Variants in LRRC4C observed in about 807,000 individuals in gnomAD.
LRRC4C encodes the protein leucine-rich repeat-containing protein 4C.
In LRRC4C, 5 loss-of-function variants were observed where a neutral mutation model predicts 33.6. The ratio of observed to expected loss-of-function variants is 0.15; its 90% CI spans 0.08 to 0.31. The LOEUF is 0.31. Among genes scored for constraint, LRRC4C ranks in the 10% least tolerant of loss-of-function variants. The pLI, the probability that LRRC4C is intolerant of heterozygous loss-of-function variation, is 1.00. For missense variants in LRRC4C, 560 were observed against 796.7 expected, an observed-to-expected ratio of 0.70 and a Z score of 3.58; for synonymous variants, 329 against 302.0, an observed-to-expected ratio of 1.09 and a Z score of -0.93.
intron 1 of LRRC4C, among the ~76,000 whole-genome samples, chr11:41,158,023 G>A (rs577242504): frequency 6.6e-6 from 1 of 151,212 alleles, no homozygotes; most frequent in African/African-American, 2.4e-5. Flanking sequence ...ATTTATTTTT[G>A]CCTGTTGACC....
At chr11:40,298,910 C>T (rs1011380052) in intron 4 of LRRC4C, among the ~76,000 whole-genome samples, 2 of 151,842 alleles carry the variant, frequency 1.3e-5, no homozygotes, top group African/African-American at 2.4e-5. Context: ...GGAAATGCTC[C>T]CATGATGCAA....
intron 2 of LRRC4C, among the ~76,000 whole-genome samples, chr11:40,905,245 T>A (rs1487694495): frequency 6.6e-6 from 1 of 152,246 alleles, no homozygotes; most frequent in Non-Finnish European, 1.5e-5. Context: ...AGGAAAAACA[T>A]GCATTCTTAA....
chr11:41,313,610 C>CAA (rs1950702781), intron 1 of LRRC4C, among the ~76,000 whole-genome samples: 2 of 152,112 alleles, frequency 1.3e-5, no homozygotes, highest in African/African-American at 4.8e-5. Flanking sequence ...AGAGATAGTG[C>CAA]TTAGAATACA....
intron 5 of LRRC4C, among the ~76,000 whole-genome samples, chr11:40,195,926 G>A (rs895430619): frequency 2.6e-5 from 4 of 152,158 alleles, no homozygotes; most frequent in African/African-American, 7.2e-5. Flanking sequence ...TGGAATTCCC[G>A]ATATAGTACT....
At chr11:40,693,047 G>A (rs1436418220) in intron 2 of LRRC4C, among the ~76,000 whole-genome samples, 2 of 152,060 alleles carry the variant, frequency 1.3e-5, no homozygotes, top group East Asian at 3.9e-4. Flanking sequence ...GACACCAGAT[G>A]AATATAATCT....
At chr11:41,015,506 G>A (rs61887633) in intron 1 of LRRC4C, among the ~76,000 whole-genome samples, 12,522 of 151,890 alleles carry the variant, frequency 0.082, 557 homozygotes, top group Non-Finnish European at 0.099. Context: ...GAGACACAGG[G>A]TTTCACCATG....
chr11:40,420,320 A>G (rs1463175443), intron 3 of LRRC4C, among the ~76,000 whole-genome samples: 1 of 152,150 alleles, frequency 6.6e-6, no homozygotes, highest in Non-Finnish European at 1.5e-5. Context: ...TGCCTCTGGA[A>G]GACAACAGAC....
chr11:41,272,534 A>C (rs1024346147), intron 1 of LRRC4C, among the ~76,000 whole-genome samples: 1 of 152,170 alleles, frequency 6.6e-6, no homozygotes, highest in African/African-American at 2.4e-5. Context: ...AATTGAATGA[A>C]GTATTTCAAT....
At chr11:40,717,566 T>G (rs913225383) in intron 2 of LRRC4C, among the ~76,000 whole-genome samples, 4 of 152,014 alleles carry the variant, frequency 2.6e-5, no homozygotes, top group African/African-American at 7.3e-5. Flanking sequence ...GTTCTTTTTT[T>G]GGGGGGGTAC....
chr11:40,511,138 C>A (rs1955295228), intron 3 of LRRC4C, among the ~76,000 whole-genome samples: 1 of 152,062 alleles, frequency 6.6e-6, no homozygotes, highest in South Asian at 2.1e-4. Flanking sequence ...ACAGCAACCT[C>A]AAATGGGAGA....
intron 1 of LRRC4C, among the ~76,000 whole-genome samples, chr11:41,286,355 G>A (rs1425084750): frequency 1.3e-5 from 2 of 151,906 alleles, no homozygotes; most frequent in Non-Finnish European, 2.9e-5. Context: ...CAAATCTCCG[G>A]GACTCAACAA....
intron 4 of LRRC4C, among the ~76,000 whole-genome samples, chr11:40,308,108 G>A (rs1023843950): frequency 6.6e-6 from 1 of 152,350 alleles, no homozygotes; most frequent in Non-Finnish European, 1.5e-5. Context: ...AGCCAAGGAG[G>A]CACTGCTAGT....
intron 1 of LRRC4C, among the ~76,000 whole-genome samples, chr11:41,404,566 C>A (rs1026565064): frequency 6.4e-5 from 8 of 124,112 alleles, no homozygotes; most frequent in Non-Finnish European, 1.1e-4. Flanking sequence ...ACACACACCC[C>A]CCGAGGTTAT....
At chr11:40,817,194 T>C (rs1419050369) in intron 2 of LRRC4C, among the ~76,000 whole-genome samples, 1 of 152,126 alleles carries the variant, frequency 6.6e-6, no homozygotes, top group African/African-American at 2.4e-5. Context: ...CAAACTGACA[T>C]AATATTTATC....
At chr11:40,724,454 C>T (rs547262264) in intron 2 of LRRC4C, among the ~76,000 whole-genome samples, 2 of 152,276 alleles carry the variant, frequency 1.3e-5, no homozygotes, top group Non-Finnish European at 2.9e-5. Context: ...CCAAGAGGAA[C>T]TCTCAAAACC....
chr11:40,381,585 C>T (rs1330856752), intron 3 of LRRC4C, among the ~76,000 whole-genome samples: 1 of 152,074 alleles, frequency 6.6e-6, no homozygotes, highest in African/African-American at 2.4e-5. Flanking sequence ...TCAGTCTTCA[C>T]AAGCATAAAC....
rs148810580 is a variant in LRRC4C at position 40,377,792 on chromosome 11, C to T, written c.-269-58071G>A. ...TTAAAATATAGTTCTCAACTAGGGA[C>T]AGTTACACCTTTCAAATGACTTTGT... On this transcript the variant is annotated intron_variant, in intron 3 of 6. Coordinates refer to ENST00000528697, the MANE Select transcript of LRRC4C (RefSeq NM_001258419.2). Among the ~76,000 whole-genome samples the T allele has an allele frequency of 8.1e-4, 123 of 152,154 alleles. 1 individual carries two copies. The highest frequency in any genetic ancestry group is 2.8e-3 in the African/African-American group (115 of 41,550).
intron 5 of LRRC4C, among the ~76,000 whole-genome samples, chr11:40,218,642 T>TATC (rs60174276): frequency 0.07 from 7,847 of 111,768 alleles, 440 homozygotes; most frequent in Admixed American, 0.12. Flanking sequence ...ATGTATCTAT[T>TATC]TATCTATCTA....
At chr11:40,785,699 A>G (rs1950385428) in intron 2 of LRRC4C, among the ~76,000 whole-genome samples, 1 of 152,168 alleles carries the variant, frequency 6.6e-6, no homozygotes, top group South Asian at 2.1e-4. Context: ...CAAAAACAAT[A>G]CACTTTTAAC....
Sources: gnomAD v4.1 joint callset for allele counts (sites outside exome capture counted in the v4.1 genomes callset) on GRCh38, gnomAD v4.1.1 for gene constraint, MANE v1.5 for transcripts, NCBI Gene and HGNC (gene_info 2026-07-23, HGNC 2026-07-21) for gene names.